The following GALNT13 variants were observed in gnomAD, a reference collection of about 807,000 sequenced individuals.
GALNT13 encodes the protein UDP-GalNAc:polypeptide N-acetylgalactosaminyltransferase 13.
GALNT13 carries 28 observed loss-of-function variants against 64.2 expected under a neutral mutation model. The ratio of observed to expected loss-of-function variants is 0.44; its 90% CI spans 0.32 to 0.60. The LOEUF (loss-of-function observed/expected upper bound fraction) is 0.60, where lower values mean the gene tolerates loss of function less well. GALNT13 is among the 20% of genes least tolerant of loss of function. The probability of loss-of-function intolerance (pLI) is 0.05; values close to 1 mark genes in which losing one functional copy is unlikely to be tolerated. For synonymous variants in GALNT13, 214 were observed against 224.6 expected (o/e 0.95, Z 0.42); for missense variants, 577 against 669.8 (o/e 0.86, Z 1.53).
the GALNT13 span, among the ~76,000 whole-genome samples, chr2:153,581,482 T>C: frequency 6.6e-6 from 1 of 152,098 alleles, no homozygotes; most frequent in Admixed American, 6.6e-5. Flanking sequence ...AGCTGCCTAA[T>C]ATATATTTTT....
At chr2:154,310,113 C>T (rs1475122226) in intron 9 of GALNT13, among the ~76,000 whole-genome samples, 3 of 152,174 alleles carry the variant, frequency 2.0e-5, no homozygotes, top group Non-Finnish European at 4.4e-5. Flanking sequence ...GCTTAAAGTA[C>T]CATAATCATC....
At chr2:153,334,024 AACAT>A in the GALNT13 span, among the ~76,000 whole-genome samples, 1 of 152,220 alleles carries the variant, frequency 6.6e-6, no homozygotes, top group South Asian at 2.1e-4. Context: ...TAGAAGAAAA[AACAT>A]AGCTAATATG....
At chr2:154,416,989 C>G (rs1467357215) in intron 11 of GALNT13, among the ~76,000 whole-genome samples, 4 of 152,132 alleles carry the variant, frequency 2.6e-5, no homozygotes, top group Non-Finnish European at 5.9e-5. Context: ...TTTCTTTCAT[C>G]TTTTACATTT....
chr2:154,295,365 T>TTTATTTATTTATTTATTTA (rs1224840653), intron 8 of GALNT13, among the ~76,000 whole-genome samples: 2 of 149,888 alleles, frequency 1.3e-5, no homozygotes, highest in Non-Finnish European at 3.0e-5. Context: ...TATTTATTTA[T>TTTATTTATTTATTTATTTA]TTATTTATTT....
chr2:153,399,117 G>C, the GALNT13 span, among the ~76,000 whole-genome samples: 13 of 134,678 alleles, frequency 9.7e-5, no homozygotes, highest in South Asian at 1.6e-3. Flanking sequence ...GTAAGGAAGG[G>C]ATCCAGTTTC....
the GALNT13 span, among the ~76,000 whole-genome samples, chr2:153,607,624 T>C: frequency 6.6e-6 from 1 of 152,184 alleles, no homozygotes; most frequent in African/African-American, 2.4e-5. Context: ...TAAATCTTTT[T>C]TAAAAACTAT....
the GALNT13 span, among the ~76,000 whole-genome samples, chr2:153,126,296 GTATATATATATATATATATATATATATA>G: frequency 3.3e-4 from 39 of 118,854 alleles, no homozygotes; most frequent in African/African-American, 1.2e-3. Flanking sequence ...TATTGATTTT[GTATATATATATATATATATATATATATA>G]TATATATATA....
chr2:154,392,570 C>G (rs1013771673), intron 9 of GALNT13, among the ~76,000 whole-genome samples: 3 of 152,050 alleles, frequency 2.0e-5, no homozygotes, highest in African/African-American at 7.2e-5. Flanking sequence ...CAAAAGAAAC[C>G]ATAAACATCA....
At chr2:153,368,155 T>C in the GALNT13 span, among the ~76,000 whole-genome samples, 106 of 152,232 alleles carry the variant, frequency 7.0e-4, 1 homozygote, top group South Asian at 6.0e-3. Context: ...TGTTATGAAC[T>C]GAATGTGTCC....
chr2:154,368,102 G>A (rs1419609333), intron 9 of GALNT13, among the ~76,000 whole-genome samples: 1 of 152,036 alleles, frequency 6.6e-6, no homozygotes, highest in Non-Finnish European at 1.5e-5. Context: ...TCTATATATA[G>A]CTCCAGTGAA....
the GALNT13 span, among the ~76,000 whole-genome samples, chr2:153,719,614 C>T: frequency 3.3e-5 from 5 of 152,222 alleles, no homozygotes; most frequent in Non-Finnish European, 7.4e-5. Flanking sequence ...GCACCGTGCA[C>T]GAGCCGAAGC....
At chr2:153,664,213 A>AACCACGG in the GALNT13 span, among the ~76,000 whole-genome samples, 4 of 152,184 alleles carry the variant, frequency 2.6e-5, no homozygotes, top group Non-Finnish European at 5.9e-5. Context: ...CCTTATCTTC[A>AACCACGG]ACCACGTAAG....
chr2:153,673,361 C>G, the GALNT13 span, among the ~76,000 whole-genome samples: 1 of 152,106 alleles, frequency 6.6e-6, no homozygotes, highest in Non-Finnish European at 1.5e-5. Flanking sequence ...TTATCTACCA[C>G]GATCAAGACA....
chr2:153,284,275 G>T, the GALNT13 span, among the ~76,000 whole-genome samples: 57 of 152,166 alleles, frequency 3.7e-4, no homozygotes, highest in African/African-American at 1.3e-3. Context: ...AGGAGAAACC[G>T]CAGATCTCTT....
At chr2:154,337,547 CAT>C (rs1695525434) in intron 9 of GALNT13, among the ~76,000 whole-genome samples, 1 of 152,024 alleles carries the variant, frequency 6.6e-6, no homozygotes, top group African/African-American at 2.4e-5. Flanking sequence ...AAGCATACCA[CAT>C]AGTGATAATT....
intron 2 of GALNT13, among the ~76,000 whole-genome samples, chr2:153,917,593 T>A (rs147687259): frequency 2.0e-5 from 3 of 152,274 alleles, no homozygotes; most frequent in African/African-American, 7.2e-5. Context: ...ATAACAATGA[T>A]GTTATAAGTA....
chr2:154,184,735 C>G (rs1449612798), intron 4 of GALNT13, among the ~76,000 whole-genome samples: 1 of 152,042 alleles, frequency 6.6e-6, no homozygotes, highest in Non-Finnish European at 1.5e-5. Flanking sequence ...CCAGCTCACA[C>G]CAGAACTTAT....
chr2:154,273,845 A>T (rs997467623), intron 8 of GALNT13, among the ~76,000 whole-genome samples: 2 of 152,160 alleles, frequency 1.3e-5, no homozygotes, highest in East Asian at 3.8e-4. Context: ...AAAGATGTAC[A>T]AGAGATGTTT....
chr2:153,441,464 G>C, the GALNT13 span, among the ~76,000 whole-genome samples: 1 of 152,188 alleles, frequency 6.6e-6, no homozygotes, highest in Admixed American at 6.5e-5. Flanking sequence ...ATTTAAAGTA[G>C]TGTTTTCTAA....
Sources: gnomAD v4.1 joint callset for allele counts (sites outside exome capture counted in the v4.1 genomes callset) on GRCh38, gnomAD v4.1.1 for gene constraint, MANE v1.5 for transcripts, NCBI Gene and HGNC (gene_info 2026-07-23, HGNC 2026-07-21) for gene names.